ESR1: variants seen among roughly 807,000 people sequenced by gnomAD.
ESR1 encodes the protein estrogen receptor 1.
A neutral mutation model predicts 52.7 loss-of-function variants in ESR1; 12 were observed. That is an observed-to-expected ratio of 0.23 (90% confidence interval 0.15 to 0.37). ESR1 has a LOEUF of 0.37. Ranked by LOEUF, ESR1 falls within the 10% of genes least tolerant of loss-of-function variation. The pLI is 1.00. For synonymous variants in ESR1, 305 were observed against 316.8 expected (o/e 0.96, Z 0.39); for missense variants, 584 against 779.7 (o/e 0.75, Z 2.99).
At chr6:151,871,571 G>A (rs1184064523) in intron 2 of ESR1, among the ~76,000 whole-genome samples, 1 of 151,808 alleles carries the variant, frequency 6.6e-6, no homozygotes, top group Non-Finnish European at 1.5e-5. Context: ...ACCCAGCTAA[G>A]TTTTTGTATT....
At chr6:151,673,406 A>G (rs1230627373) in intron 1 of ESR1, among the ~76,000 whole-genome samples, 4 of 152,166 alleles carry the variant, frequency 2.6e-5, no homozygotes, top group Non-Finnish European at 5.9e-5. Context: ...TTCATATTAC[A>G]TAATCTCTCT....
intron 2 of ESR1, among the ~76,000 whole-genome samples, chr6:151,798,154 G>A (rs1055261044): frequency 6.6e-6 from 1 of 152,256 alleles, no homozygotes; most frequent in South Asian, 2.1e-4. Context: ...TGAGAGAGAT[G>A]AGGACACATA....
At chr6:151,975,338 C>G (rs2039337006) in intron 4 of ESR1, among the ~76,000 whole-genome samples, 1 of 152,098 alleles carries the variant, frequency 6.6e-6, no homozygotes, top group African/African-American at 2.4e-5. Context: ...GTAAACTCCC[C>G]CCACTCTTTT....
At chr6:151,773,419 G>A (rs1785680368) in intron 2 of ESR1, among the ~76,000 whole-genome samples, 1 of 152,238 alleles carries the variant, frequency 6.6e-6, no homozygotes, top group African/African-American at 2.4e-5. Context: ...CTTTGTTCCA[G>A]CAACCTTGGG....
chr6:151,722,926 C>T (rs1489270028), intron 2 of ESR1, among the ~76,000 whole-genome samples: 1 of 151,986 alleles, frequency 6.6e-6, no homozygotes, highest in African/African-American at 2.4e-5. Flanking sequence ...GTTTTGTATC[C>T]CCCAATTGTG....
At chr6:151,877,983 A>AT (rs1397282360) in intron 2 of ESR1, among the ~76,000 whole-genome samples, 195 of 145,204 alleles carry the variant, frequency 1.3e-3, no homozygotes, top group Admixed American at 1.6e-3. Flanking sequence ...CTAATATTTA[A>AT]TTTTTTTTTT....
At chr6:151,712,462 C>T (rs1780692563) in intron 2 of ESR1, among the ~76,000 whole-genome samples, 4 of 152,242 alleles carry the variant, frequency 2.6e-5, no homozygotes, top group African/African-American at 9.6e-5. Context: ...ATTGATTCTT[C>T]CTATCCAAGA....
chr6:151,662,121 T>C (rs1204446998), intron 1 of ESR1, among the ~76,000 whole-genome samples: 2 of 152,166 alleles, frequency 1.3e-5, no homozygotes, highest in East Asian at 1.9e-4. Context: ...CCACTGCCAC[T>C]GGGATGGCAC....
chr6:151,927,744 G>C (rs1201707806), intron 3 of ESR1, among the ~76,000 whole-genome samples: 1 of 150,864 alleles, frequency 6.6e-6, no homozygotes, highest in Non-Finnish European at 1.5e-5. Flanking sequence ...TTTTGCCAGA[G>C]TCTAACTCTG....
chr6:151,982,686 G>A (rs530391861), intron 4 of ESR1, among the ~76,000 whole-genome samples: 4 of 151,766 alleles, frequency 2.6e-5, no homozygotes, highest in South Asian at 2.1e-4. Flanking sequence ...GGGTTTCACC[G>A]TGTTATCCAG....
intron 1 of ESR1, among the ~76,000 whole-genome samples, chr6:151,834,507 A>T (rs1253322157): frequency 1.3e-5 from 2 of 152,182 alleles, no homozygotes; most frequent in Non-Finnish European, 2.9e-5. Flanking sequence ...ATGAGAACAC[A>T]TGGACACAGG....
In ESR1 at chr6:151,929,101, A is replaced by G. The variant is rs542218821; in HGVS notation, c.761-15072A>G. Among the ~76,000 whole-genome samples, 4 of 152,276 alleles carry G rather than the reference A, an allele frequency of 2.6e-5. No homozygotes were observed. In the South Asian group the frequency reaches 8.3e-4, roughly 32 times the overall value. On this transcript the variant is annotated intron_variant, in intron 3 of 7. Transcript: ENST00000206249. ...ATTCATCATACCGTTTAGGTCAACTATATCTGTATTAATTTTCTGCCTGCT... is the reference window on the plus strand; with the variant it reads ...ATTCATCATACCGTTTAGGTCAACTGTATCTGTATTAATTTTCTGCCTGCT...
intron 3 of ESR1, 86 bp from the exon 4 acceptor site, chr6:151,944,087 A>G (rs1187209896): frequency 9.7e-6 from 11 of 1,135,464 alleles, no homozygotes; most frequent in Non-Finnish European, 1.3e-5. Context: ...AAATAAAATG[A>G]AAGCTGGTTA....
At chr6:152,002,315 A>C (rs933180548) in intron 4 of ESR1, among the ~76,000 whole-genome samples, 12 of 151,726 alleles carry the variant, frequency 7.9e-5, no homozygotes, top group Admixed American at 5.9e-4. Context: ...ATCCTTGTCC[A>C]TGCGGTTTGG....
chr6:151,957,406 C>A (rs987549694), intron 4 of ESR1, among the ~76,000 whole-genome samples: 1 of 152,128 alleles, frequency 6.6e-6, no homozygotes, highest in South Asian at 2.1e-4. Context: ...TTCTAAAAAG[C>A]ATTTTAAACA....
intron 2 of ESR1, among the ~76,000 whole-genome samples, chr6:151,771,727 A>G (rs1377428704): frequency 6.6e-6 from 1 of 152,146 alleles, no homozygotes. Context: ...ACCCCTGGGG[A>G]GTGAGGTTAG....
intron 4 of ESR1, among the ~76,000 whole-genome samples, chr6:151,985,531 A>C (rs2040394502): frequency 6.6e-5 from 8 of 120,644 alleles, no homozygotes; most frequent in Admixed American, 1.7e-4. Context: ...AAAAAAAAAA[A>C]AACACAAACA....
chr6:152,095,609 C>T (rs556171240), intron 7 of ESR1, among the ~76,000 whole-genome samples: 1 of 152,282 alleles, frequency 6.6e-6, no homozygotes, highest in African/African-American at 2.4e-5. Context: ...ATTTCATTGG[C>T]CAAGCAAGCA....
intron 1 of ESR1, among the ~76,000 whole-genome samples, chr6:151,696,635 A>G (rs1369900147): frequency 1.3e-5 from 2 of 152,136 alleles, no homozygotes; most frequent in Admixed American, 1.3e-4. Flanking sequence ...TGAGCCTGGC[A>G]TGTTCCTTGA....
Sources: gnomAD v4.1 joint callset for allele counts (sites outside exome capture counted in the v4.1 genomes callset) on GRCh38, gnomAD v4.1.1 for gene constraint, MANE v1.5 for transcripts, NCBI Gene and HGNC (gene_info 2026-07-23, HGNC 2026-07-21) for gene names.